Variants in CDH7 observed in about 807,000 individuals in gnomAD.
The protein encoded by CDH7 is cadherin-7.
Under a neutral mutation model 71.8 loss-of-function variants are expected in CDH7, and 25 were observed. The observed-to-expected ratio is 0.35, with a 90% confidence interval of 0.25 to 0.49. The LOEUF is 0.49. CDH7 is among the 20% of genes least tolerant of loss of function. CDH7 has a pLI of 0.99. For missense variants in CDH7, 862 were observed against 974.6 expected, an observed-to-expected ratio of 0.88 and a Z score of 1.54; for synonymous variants, 381 against 363.8, an observed-to-expected ratio of 1.05 and a Z score of -0.54.
At chr18:65,760,403 A>G (rs554669057) in intron 1 of CDH7, among the ~76,000 whole-genome samples, 1 of 152,322 alleles carries the variant, frequency 6.6e-6, no homozygotes, top group Admixed American at 6.5e-5. Flanking sequence ...CTCCTCAAGT[A>G]TTGAATTCCA....
intron 2 of CDH7, among the ~76,000 whole-genome samples, chr18:65,782,159 TTTCTTCCTTTCTTTC>T (rs1568182703): frequency 4.2e-5 from 5 of 119,276 alleles, no homozygotes; most frequent in African/African-American, 2.1e-4. Context: ...TCTTTCTTTC[TTTCTTCCTTTCTTTC>T]TTTCTTTCTT....
At chr18:65,806,044 C>T (rs750593746) in intron 2 of CDH7, among the ~76,000 whole-genome samples, 5 of 152,130 alleles carry the variant, frequency 3.3e-5, no homozygotes, top group Admixed American at 1.3e-4. Flanking sequence ...CTCTATCAAG[C>T]AGGGCCTGAT....
At chr18:65,860,479 A>G (rs1374816066) in intron 10 of CDH7, among the ~76,000 whole-genome samples, 1 of 152,140 alleles carries the variant, frequency 6.6e-6, no homozygotes, top group Non-Finnish European at 1.5e-5. Context: ...GTTTTGCTTA[A>G]TAATATATAT....
At chr18:65,858,064 CA>C in intron 8 of CDH7, 112 bp downstream of exon 8, 1 of 992,310 alleles carries the variant, frequency 1.0e-6, no homozygotes, top group Non-Finnish European at 1.4e-6. Context: ...TTGAATTGTA[CA>C]AAAACTTGAG....
chr18:65,828,345 T>C (rs889555997), intron 6 of CDH7, among the ~76,000 whole-genome samples: 2 of 152,100 alleles, frequency 1.3e-5, no homozygotes, highest in Non-Finnish European at 2.9e-5. Context: ...GCTTATAGTG[T>C]TACACAGTTG....
intron 7 of CDH7, 144 bp from the exon 8 acceptor site, chr18:65,857,672 C>A (rs1913413293): frequency 2.7e-6 from 2 of 742,918 alleles, no homozygotes; most frequent in South Asian, 1.9e-5. Flanking sequence ...AGTTTTAAAC[C>A]AGGCATGCAT....
At chr18:65,781,976 C>T (rs1223658824) in intron 2 of CDH7, among the ~76,000 whole-genome samples, 10 of 80,346 alleles carry the variant, frequency 1.2e-4, no homozygotes, top group African/African-American at 1.7e-4. Flanking sequence ...CTCTCTCTCT[C>T]TCTCTCTCTC....
chr18:65,860,480 T>C (rs1298226808), intron 10 of CDH7, among the ~76,000 whole-genome samples: 1 of 152,158 alleles, frequency 6.6e-6, no homozygotes, highest in Non-Finnish European at 1.5e-5. Flanking sequence ...TTTTGCTTAA[T>C]AATATATATT....
chr18:65,782,028 C>CCCTTCCTTCCTTCCTT (rs200389546), intron 2 of CDH7, among the ~76,000 whole-genome samples: 2 of 33,574 alleles, frequency 6.0e-5, no homozygotes, highest in Non-Finnish European at 9.5e-5. Flanking sequence ...CTCTCTTTCT[C>CCCTTCCTTCCTTCCTT]CCTTCCTTCC....
chr18:65,881,757 G>A lies in CDH7; in HGVS notation c.*863G>A, dbSNP rs1914239067. On this transcript the variant is annotated 3_prime_UTR_variant, in exon 12 of 12. Transcript: ENST00000397968. ...TTCAGGTCCATCATACTGCCTCATA[G>A]TATTAAACTCATCAGAACATGCTGA... 2 of 152,054 alleles carry A rather than the reference G, an allele frequency of 1.3e-5. No homozygotes were observed. Among genetic ancestry groups the A allele is most frequent in the Admixed American group, 6.6e-5 (1 of 15,254 alleles). 9.4% of individuals were successfully genotyped at this position (152,054 alleles called of 1,614,324 possible).
chr18:65,877,651 C>T (rs537536956), intron 11 of CDH7, among the ~76,000 whole-genome samples: 2 of 152,160 alleles, frequency 1.3e-5, no homozygotes, highest in Non-Finnish European at 2.9e-5. Context: ...CTACCTGCCT[C>T]CATCTGTGCA....
chr18:65,794,420 C>T lies in CDH7; in HGVS notation c.211-15284C>T, dbSNP rs1910831879. Reference sequence around the variant, plus strand: ...ACATCTATAAGTCTTTTCTACTATACAAAGTATAAATTGCTGTGCTGTTAA... The same window carrying T: ...ACATCTATAAGTCTTTTCTACTATATAAAGTATAAATTGCTGTGCTGTTAA... On this transcript the variant is annotated intron_variant, in intron 2 of 11. Coordinates refer to ENST00000397968, the MANE Select transcript of CDH7 (RefSeq NM_004361.5). Among the ~76,000 whole-genome samples the T allele has an allele frequency of 1.3e-5, 2 of 151,880 alleles. 1 individual carries two copies. The highest frequency in any genetic ancestry group is 4.2e-4 in the South Asian group (2 of 4,792).
intron 2 of CDH7, among the ~76,000 whole-genome samples, chr18:65,766,906 A>C (rs989399344): frequency 1.7e-5 from 1 of 57,818 alleles, no homozygotes; most frequent in Non-Finnish European, 3.1e-5. Flanking sequence ...AAAAAAAAAA[A>C]AAAAAAAAAA....
intron 1 of CDH7, among the ~76,000 whole-genome samples, chr18:65,759,484 C>A (rs943769899): frequency 6.6e-6 from 1 of 151,622 alleles, no homozygotes; most frequent in Non-Finnish European, 1.5e-5. Context: ...GATCTCCTGA[C>A]CTTGTGATTT....
At chr18:65,869,966 T>C (rs1347978305) in intron 11 of CDH7, among the ~76,000 whole-genome samples, 6 of 152,210 alleles carry the variant, frequency 3.9e-5, no homozygotes, top group African/African-American at 1.2e-4. Context: ...GACATTTTTC[T>C]GAGATTTGGT....
intron 2 of CDH7, among the ~76,000 whole-genome samples, chr18:65,804,241 C>G (rs1329427764): frequency 2.0e-5 from 3 of 151,986 alleles, no homozygotes; most frequent in Admixed American, 6.6e-5. Context: ...TTTATGAATC[C>G]CATTCCACTG....
intron 2 of CDH7, among the ~76,000 whole-genome samples, chr18:65,781,902 A>G (rs765744398): frequency 2.0e-4 from 4 of 20,310 alleles, no homozygotes; most frequent in African/African-American, 9.0e-4. Context: ...CTTTCTCTCT[A>G]TCTTTCTCTC....
intron 1 of CDH7, among the ~76,000 whole-genome samples, chr18:65,752,117 T>A (rs1364277665): frequency 1.3e-5 from 2 of 152,252 alleles, no homozygotes; most frequent in Non-Finnish European, 2.9e-5. Context: ...CTCTATTAGA[T>A]CGTTTATTAA....
chr18:65,791,523 C>T (rs565490086), intron 2 of CDH7, among the ~76,000 whole-genome samples: 1 of 152,268 alleles, frequency 6.6e-6, no homozygotes, highest in East Asian at 1.9e-4. Flanking sequence ...GTTTAATAAG[C>T]AGTAGAGTCA....
Sources: allele counts gnomAD v4.1 joint callset (sites outside exome capture counted in the v4.1 genomes callset), GRCh38; gene constraint gnomAD v4.1.1; transcripts MANE v1.5; gene names NCBI Gene and HGNC (gene_info 2026-07-23, HGNC 2026-07-21).